Variants in KCNAB1 observed in about 807,000 individuals in gnomAD.
The protein encoded by KCNAB1 is potassium voltage-gated channel subfamily A regulatory beta subunit 1.
KCNAB1 carries 35 observed loss-of-function variants against 64.6 expected under a neutral mutation model. That is an observed-to-expected ratio of 0.54 (90% CI 0.41 to 0.72). KCNAB1 has a LOEUF of 0.72. Among genes scored for constraint, KCNAB1 ranks in the 30% least tolerant of loss-of-function variants. KCNAB1 has a pLI of 0.00. For synonymous variants in KCNAB1, 177 were observed against 183.8 expected (o/e 0.96, Z 0.30); for missense variants, 401 against 512.9 (o/e 0.78, Z 2.11).
intron 1 of KCNAB1, among the ~76,000 whole-genome samples, chr3:156,226,730 C>T (rs1448092117): frequency 6.9e-6 from 1 of 145,682 alleles, no homozygotes; most frequent in African/African-American, 2.5e-5. Flanking sequence ...AGCTCATCTG[C>T]AAAGCTTGTG....
At chr3:156,492,489 C>A (rs546025050) in intron 8 of KCNAB1, among the ~76,000 whole-genome samples, 1 of 152,024 alleles carries the variant, frequency 6.6e-6, no homozygotes, top group African/African-American at 2.4e-5. Context: ...ACCATATATA[C>A]AGAGAAGTAC....
intron 1 of KCNAB1, among the ~76,000 whole-genome samples, chr3:156,248,551 A>T (rs1007123550): frequency 2.0e-5 from 3 of 146,632 alleles, no homozygotes; most frequent in Admixed American, 1.4e-4. Flanking sequence ...TTGCTTACAG[A>T]TGTAAGTACT....
chr3:156,417,681 T>C (rs1715169207), intron 1 of KCNAB1, among the ~76,000 whole-genome samples: 1 of 151,932 alleles, frequency 6.6e-6, no homozygotes, highest in Non-Finnish European at 1.5e-5. Flanking sequence ...TAAGAGATGC[T>C]TGATTTCAGT....
At chr3:156,230,901 G>A (rs936459254) in intron 1 of KCNAB1, among the ~76,000 whole-genome samples, 1 of 152,216 alleles carries the variant, frequency 6.6e-6, no homozygotes, top group African/African-American at 2.4e-5. Flanking sequence ...ACACTTTAGA[G>A]AGTCAACACA....
intron 1 of KCNAB1, among the ~76,000 whole-genome samples, chr3:156,139,889 C>T (rs545263785): frequency 2.0e-5 from 3 of 152,224 alleles, no homozygotes; most frequent in South Asian, 4.2e-4. Flanking sequence ...AAGAGGTACA[C>T]TTGCAAGAGA....
At chr3:156,423,810 GAC>G in intron 2 of KCNAB1, among the ~76,000 whole-genome samples, 1 of 152,222 alleles carries the variant, frequency 6.6e-6, no homozygotes, top group South Asian at 2.1e-4. Context: ...GGAAAATGAG[GAC>G]AGAGTCAGGA....
intron 1 of KCNAB1, among the ~76,000 whole-genome samples, chr3:156,250,938 A>C (rs532132734): frequency 6.6e-6 from 1 of 152,264 alleles, no homozygotes; most frequent in Non-Finnish European, 1.5e-5. Flanking sequence ...CATTCTTTTT[A>C]ATATTTTTTT....
At chr3:156,428,310 G>A (rs1027758492) in intron 2 of KCNAB1, among the ~76,000 whole-genome samples, 2 of 152,150 alleles carry the variant, frequency 1.3e-5, no homozygotes, top group African/African-American at 4.8e-5. Context: ...CTGGGACATT[G>A]ATCTTTTCTT....
chr3:156,247,060 TTGAC>T (rs1717498648), intron 1 of KCNAB1, among the ~76,000 whole-genome samples: 2 of 152,178 alleles, frequency 1.3e-5, no homozygotes, highest in Non-Finnish European at 2.9e-5. Flanking sequence ...GAATGTATGA[TTGAC>T]TGGGAAAAAA....
chr3:156,193,404 GTTAGA>G (rs1713689365), intron 1 of KCNAB1, among the ~76,000 whole-genome samples: 1 of 152,160 alleles, frequency 6.6e-6, no homozygotes, highest in African/African-American at 2.4e-5. Context: ...TAGGTCTTGT[GTTAGA>G]TTATTTTGCC....
At chr3:156,218,822 A>ATAAAT (rs1715507243) in intron 1 of KCNAB1, among the ~76,000 whole-genome samples, 1 of 144,378 alleles carries the variant, frequency 6.9e-6, no homozygotes, top group Non-Finnish European at 1.5e-5. Flanking sequence ...AAATAAAATA[A>ATAAAT]AAATAAATAA....
chr3:156,144,647 C>G (rs1213333333), intron 1 of KCNAB1, among the ~76,000 whole-genome samples: 1 of 152,144 alleles, frequency 6.6e-6, no homozygotes, highest in East Asian at 1.9e-4. Flanking sequence ...CTCTGTCCCC[C>G]CACGTTTTCT....
chr3:156,171,137 A>G (rs1470312204), intron 1 of KCNAB1, among the ~76,000 whole-genome samples: 2 of 151,016 alleles, frequency 1.3e-5, no homozygotes, highest in African/African-American at 4.9e-5. Flanking sequence ...TATGTTGCCT[A>G]AGACCATTTC....
At chr3:156,188,458 C>T (rs1013192095) in intron 1 of KCNAB1, among the ~76,000 whole-genome samples, 1 of 152,064 alleles carries the variant, frequency 6.6e-6, no homozygotes, top group Admixed American at 6.5e-5. Context: ...AAAGGCTTGA[C>T]ATTTAATTTA....
At chr3:156,218,600 A>G (rs1324867756) in intron 1 of KCNAB1, among the ~76,000 whole-genome samples, 2 of 151,972 alleles carry the variant, frequency 1.3e-5, no homozygotes, top group East Asian at 3.9e-4. Flanking sequence ...CCAGCACACT[A>G]AACAAATACA....
rs75300516 is a variant in KCNAB1 at position 156,290,128 on chromosome 3, G to A, written c.276-131488G>A. On this transcript the variant is annotated intron_variant, in intron 1 of 13. Transcript: ENST00000490337. ...ATCAAAATGAACAACTTTCTCCAGT[G>A]TACTTTCTCTAGTGTACTTAGTGTC... 2.2e-4 allele frequency among the ~76,000 whole-genome samples: 33 copies of A among 152,294 alleles called. No individual in the cohort carries two copies. In the East Asian group the frequency reaches 5.6e-3, roughly 26 times the overall value.
At chr3:156,255,779 A>G (rs988830670) in intron 1 of KCNAB1, among the ~76,000 whole-genome samples, 1 of 152,200 alleles carries the variant, frequency 6.6e-6, no homozygotes, top group Admixed American at 6.5e-5. Context: ...CTCACTCAGA[A>G]TGAATCTCTC....
intron 1 of KCNAB1, among the ~76,000 whole-genome samples, chr3:156,245,175 T>C (rs1717378277): frequency 6.6e-6 from 1 of 152,256 alleles, no homozygotes. Context: ...TCCTGCCATC[T>C]TAGAATTTAC....
rs925259515 is a variant in KCNAB1, at chr3:156,395,639, G to A, written c.276-25977G>A. On this transcript the variant is annotated intron_variant, in intron 1 of 13. Transcript: ENST00000490337. ...GGTTCCAACGTACTGTTTTCAAAAG[G>A]AAGCTAGTGCTGCAAATTTTATTGT... Among the ~76,000 whole-genome samples, 6 of 145,750 alleles carry A rather than the reference G, an allele frequency of 4.1e-5. No individual in the cohort carries two copies. In the East Asian group the frequency reaches 1.2e-3, roughly 30 times the overall value.
Sources: allele counts gnomAD v4.1 joint callset (sites outside exome capture counted in the v4.1 genomes callset), GRCh38; gene constraint gnomAD v4.1.1; transcripts MANE v1.5; gene names NCBI Gene and HGNC (gene_info 2026-07-23, HGNC 2026-07-21).